GFOD2: variants seen among roughly 807,000 people sequenced by gnomAD.
The protein encoded by GFOD2 is Gfo/Idh/MocA-like oxidoreductase domain containing 2, also known as glucose-fructose oxidoreductase domain-containing protein 2.
Under a neutral mutation model 24.6 loss-of-function variants are expected in GFOD2, and 9 were observed. That is an observed-to-expected ratio of 0.37 (90% confidence interval 0.22 to 0.64). GFOD2 has a LOEUF of 0.64. Ranked by LOEUF, GFOD2 falls within the 30% of genes least tolerant of loss-of-function variation. The pLI is 0.65. For synonymous variants in GFOD2, 211 were observed against 224.8 expected, an observed-to-expected ratio of 0.94 and a Z score of 0.55; for missense variants, 476 against 532.5, an observed-to-expected ratio of 0.89 and a Z score of 1.04.
chr16:67,682,366 A>T, intron 2 of GFOD2: 1 of 985,450 alleles, frequency 1.0e-6, no homozygotes, highest in Non-Finnish European at 1.2e-6. Context: ...AATGAACCAC[A>T]GAAGTGCCAA....
chr16:67,709,116 A>G (rs543698679), intron 1 of GFOD2, among the ~76,000 whole-genome samples: 3 of 152,082 alleles, frequency 2.0e-5, no homozygotes. Context: ...CAGCCTGGGC[A>G]ACATGGCAAA....
chr16:67,705,977 ATTTTTTTTTTTT>A, intron 1 of GFOD2, among the ~76,000 whole-genome samples: 1 of 103,596 alleles, frequency 9.7e-6, no homozygotes, highest in Middle Eastern at 5.8e-3. Context: ...TTTCCCTGTG[ATTTTTTTTTTTT>A]TTTTTTTTTT....
At chr16:67,701,401 G>A (rs1219640238) in intron 1 of GFOD2, among the ~76,000 whole-genome samples, 2 of 152,020 alleles carry the variant, frequency 1.3e-5, no homozygotes, top group East Asian at 1.9e-4. Context: ...GTATATCAAC[G>A]CCAATGGATA....
At chr16:67,713,081 G>A (rs1048649891) in intron 1 of GFOD2, among the ~76,000 whole-genome samples, 4 of 148,908 alleles carry the variant, frequency 2.7e-5, no homozygotes, top group Non-Finnish European at 4.4e-5. Context: ...ACAGGGTTTC[G>A]CCATCTTGGT....
chr16:67,679,846 C>T (rs1481843912), intron 2 of GFOD2, among the ~76,000 whole-genome samples: 1 of 151,376 alleles, frequency 6.6e-6, no homozygotes, highest in East Asian at 2.0e-4. Flanking sequence ...GAGATAGTGC[C>T]ATTGCCCTCC....
At chr16:67,695,727 G>C (rs1026410997) in intron 1 of GFOD2, among the ~76,000 whole-genome samples, 1 of 151,546 alleles carries the variant, frequency 6.6e-6, no homozygotes, top group African/African-American at 2.4e-5. Flanking sequence ...GTAGAGACAG[G>C]GTTTCACTAT....
At chr16:67,701,906 G>T (rs1039743542) in intron 1 of GFOD2, among the ~76,000 whole-genome samples, 5 of 152,080 alleles carry the variant, frequency 3.3e-5, no homozygotes, top group African/African-American at 1.2e-4. Flanking sequence ...TGGAGGCTGA[G>T]ATTTGTGAAT....
rs1231959028 is a variant in GFOD2, at chr16:67,675,123, T to C, written c.*32A>G. The stretch of plus-strand genomic sequence containing the variant: ...GGCTCCTGTTCCCCTCCCTGGTCCC[T>C]CTGCCCTGTGGCAAGGAGCCCAGGT... On this transcript the variant is annotated 3_prime_UTR_variant, in exon 3 of 3. Transcript: ENST00000268797. 2 of 1,584,490 alleles carry C rather than the reference T, an allele frequency of 1.3e-6. No homozygotes were observed. The highest frequency in any genetic ancestry group is 1.3e-5 in the African/African-American group (1 of 74,526).
intron 1 of GFOD2, among the ~76,000 whole-genome samples, chr16:67,691,668 C>G (rs907136313): frequency 6.6e-6 from 1 of 152,136 alleles, no homozygotes; most frequent in African/African-American, 2.4e-5. Flanking sequence ...AGGAGCTCCT[C>G]CCTCTGCACC....
intron 1 of GFOD2, among the ~76,000 whole-genome samples, chr16:67,686,966 G>C (rs565269563): frequency 8.6e-5 from 13 of 151,258 alleles, no homozygotes; most frequent in Non-Finnish European, 1.8e-4. Context: ...GGCCAACGTG[G>C]TGAAACCCCG....
chr16:67,713,150 C>T (rs1418670202), intron 1 of GFOD2, among the ~76,000 whole-genome samples: 1 of 151,352 alleles, frequency 6.6e-6, no homozygotes, highest in Non-Finnish European at 1.5e-5. Context: ...TCCGAAAGTA[C>T]TGGGATTACA....
chr16:67,698,404 C>G (rs2053373660), intron 1 of GFOD2, among the ~76,000 whole-genome samples: 1 of 152,216 alleles, frequency 6.6e-6, no homozygotes, highest in Non-Finnish European at 1.5e-5. Context: ...TTTTAATTAA[C>G]CCTTTGAGTA....
intron 2 of GFOD2, among the ~76,000 whole-genome samples, chr16:67,680,121 C>A (rs961796879): frequency 2.0e-5 from 3 of 152,204 alleles, no homozygotes; most frequent in African/African-American, 7.2e-5. Flanking sequence ...GTCTCAAACT[C>A]CTGGCCTCAG....
In GFOD2 at chr16:67,692,367, A is replaced by C. The variant is rs546224186; in HGVS notation, c.-87-6565T>G. ...GAGGCAGAGGTGGGCGGATCACCTG[A>C]GATCAGTTCACGACCAGCCTGATCA... On this transcript the variant is annotated intron_variant, in intron 1 of 2. Transcript: ENST00000268797. 2.6e-5 allele frequency among the ~76,000 whole-genome samples: 4 copies of C among 151,912 alleles called. No individual in the cohort carries two copies. The East Asian group carries it at 5.9e-4, about 22-fold the overall frequency.
chr16:67,695,919 G>A (rs1285419754), intron 1 of GFOD2, among the ~76,000 whole-genome samples: 1 of 152,088 alleles, frequency 6.6e-6, no homozygotes, highest in African/African-American at 2.4e-5. Flanking sequence ...TTCATGCCCA[G>A]GGCACACCTC....
chr16:67,675,518 G>A lies in GFOD2; in HGVS notation c.795C>T (p.Ala265=), dbSNP rs764929679. 57 of 1,612,396 alleles carry A rather than the reference G, an allele frequency of 3.5e-5. No homozygotes were observed. Among genetic ancestry groups the A allele is most frequent in the Middle Eastern group, 3.3e-4 (2 of 6,084 alleles). ...GSAGRLVARG[A]DLYGQKNSAT... ...CAGAGTTCTTCTGCCCATAGAGGTC[G>A]GCTCCCCGGGCGACGAGGCGTCCTG... The change falls in exon 3 of 3, where the codon GCC becomes GCT. Residue 265 remains alanine (A), a synonymous_variant. Transcript: ENST00000268797.
At chr16:67,681,370 C>T (rs2053224059) in intron 2 of GFOD2, 1 of 985,264 alleles carries the variant, frequency 1.0e-6, no homozygotes, top group South Asian at 4.7e-5. Context: ...TGTTTCATGC[C>T]TCAAGAGGTG....
intron 1 of GFOD2, among the ~76,000 whole-genome samples, chr16:67,711,456 T>G (rs1171954455): frequency 6.6e-6 from 1 of 152,180 alleles, no homozygotes; most frequent in African/African-American, 2.4e-5. Flanking sequence ...CATGGCTCAG[T>G]CCCCAGTCTA....
intron 2 of GFOD2, chr16:67,682,715 C>A: frequency 1.0e-6 from 1 of 985,228 alleles, no homozygotes; most frequent in African/African-American, 1.7e-5. Flanking sequence ...GAAATGATCT[C>A]GTGGCCTTAG....
Sources: gnomAD v4.1 joint callset for allele counts (sites outside exome capture counted in the v4.1 genomes callset) on GRCh38, gnomAD v4.1.1 for gene constraint, MANE v1.5 for transcripts, NCBI Gene and HGNC (gene_info 2026-07-23, HGNC 2026-07-21) for gene names.